Variants in CDK5RAP2 observed in about 807,000 individuals in gnomAD.
CDK5RAP2 encodes the protein CDK5 regulatory subunit associated protein 2.
In CDK5RAP2, 147 loss-of-function variants were observed where a neutral mutation model predicts 232.9. The ratio of observed to expected loss-of-function variants is 0.63; its 90% CI spans 0.55 to 0.72. The LOEUF (loss-of-function observed/expected upper bound fraction) is 0.72. Among genes scored for constraint, CDK5RAP2 ranks in the 30% least tolerant of loss-of-function variants. The pLI, the probability that CDK5RAP2 is intolerant of heterozygous loss-of-function variation, is 0.00. For missense variants in CDK5RAP2, 2,195 were observed against 2,231.5 expected (o/e 0.98, Z 0.33); for synonymous variants, 833 against 833.7 (o/e 1.00, Z 0.01).
At chr9:120,541,676 C>T (rs192128765) in intron 5 of CDK5RAP2, among the ~76,000 whole-genome samples, 196 of 152,302 alleles carry the variant, frequency 1.3e-3, no homozygotes, top group Non-Finnish European at 1.9e-3. Context: ...GGAGGCAGAG[C>T]GGCCGCTACA....
rs1323058589 is a variant in CDK5RAP2, at chr9:120,408,384, C to T, written c.4689G>A (p.Ala1563=). ...TGTGCTCTTCATCCAGCTTCTCATA[C>T]GCCTTCAGCTCCACTCGGAGAGACT... ...LLQSLRVELK[A]YEKLDEEHRR... The change falls in exon 31 of 38, where the codon GCG becomes GCA. Residue 1563 remains alanine (A), a synonymous_variant. Transcript: ENST00000349780. The T allele has an allele frequency of 1.6e-5, 26 of 1,614,012 alleles. No homozygotes were observed. Among genetic ancestry groups the T allele is most frequent in the Non-Finnish European group, 1.9e-5 (23 of 1,180,026 alleles).
chr9:120,569,993 A>T (rs13299371), intron 2 of CDK5RAP2, among the ~76,000 whole-genome samples: 26,369 of 152,082 alleles, frequency 0.17, 2,393 homozygotes, highest in Middle Eastern at 0.26. Flanking sequence ...TTGAGAGAGG[A>T]AAGTACACCT....
At chr9:120,575,317 T>A (rs1325821869) in intron 1 of CDK5RAP2, among the ~76,000 whole-genome samples, 2 of 152,118 alleles carry the variant, frequency 1.3e-5, no homozygotes, top group Non-Finnish European at 2.9e-5. Flanking sequence ...CCTCCCAAAG[T>A]GCTAGGATTA....
At chr9:120,515,486 G>A (rs945539460) in intron 12 of CDK5RAP2, among the ~76,000 whole-genome samples, 2 of 152,142 alleles carry the variant, frequency 1.3e-5, no homozygotes, top group African/African-American at 4.8e-5. Context: ...CAGGAGTTAC[G>A]TATTGTAATT....
At chr9:120,536,579 T>C (rs781291145) in intron 6 of CDK5RAP2, 53 bp from the exon 7 acceptor site, 80 of 1,533,798 alleles carry the variant, frequency 5.2e-5, no homozygotes, top group Admixed American at 2.6e-4. Context: ...ATTGGGAACA[T>C]TTTGAAAGGA....
chr9:120,500,829 C>A (rs2039540127), intron 12 of CDK5RAP2, among the ~76,000 whole-genome samples: 1 of 152,146 alleles, frequency 6.6e-6, no homozygotes. Context: ...CATGTTTTTG[C>A]CTTCCTGATT....
At chr9:120,562,656 C>T (rs903728554) in intron 3 of CDK5RAP2, among the ~76,000 whole-genome samples, 2 of 151,936 alleles carry the variant, frequency 1.3e-5, no homozygotes, top group African/African-American at 4.8e-5. Context: ...GCCCTCATTA[C>T]TGCTTGCTTT....
intron 20 of CDK5RAP2, among the ~76,000 whole-genome samples, chr9:120,456,922 T>C (rs1218092394): frequency 1.3e-5 from 2 of 152,244 alleles, no homozygotes; most frequent in African/African-American, 2.4e-5. Context: ...AGCAGATTCA[T>C]TAAGCTATCA....
At chr9:120,513,271 T>C (rs2040176653) in intron 12 of CDK5RAP2, among the ~76,000 whole-genome samples, 2 of 152,162 alleles carry the variant, frequency 1.3e-5, no homozygotes, top group Non-Finnish European at 2.9e-5. Context: ...CCCTCAGCAA[T>C]CCATCCTCTA....
rs1019039563 is a variant in CDK5RAP2 at position 120,568,498 on chromosome 9, A to C, written c.128-110T>G. On this transcript the variant is annotated intron_variant, in intron 2 of 37. Transcript: ENST00000349780. Reference sequence around the variant, plus strand: ...ACAACACGAACTGCTTCCACAGTACACGCGGCTGGTACTTGCTGTCTTTTG... The same window carrying C: ...ACAACACGAACTGCTTCCACAGTACCCGCGGCTGGTACTTGCTGTCTTTTG... 6.1e-6 allele frequency: 5 copies of C among 817,576 alleles called. No individual in the cohort carries two copies. The South Asian group carries it at 6.7e-5, about 11-fold the overall frequency. The allele number at this position is 817,576 out of a possible 1,614,324, so 50.6% of individuals were successfully genotyped here.
Position 120,520,755 on chromosome 9 carries a change from C to A in CDK5RAP2, c.1093-2110G>T, listed in dbSNP as rs1336336530. Among the ~76,000 whole-genome samples the A allele has an allele frequency of 3.5e-4, 42 of 120,444 alleles. 3 individuals carry two copies. In the East Asian group the frequency reaches 9.5e-3, roughly 27 times the overall value. The allele number at this position is 120,444 out of a possible 152,430, so 79.0% of individuals were successfully genotyped here. A position where few individuals can be genotyped will look rare whatever the true frequency, so the allele number is the denominator to read the frequency against. On this transcript the variant is annotated intron_variant, in intron 11 of 37. Transcript: ENST00000349780. ...ATATGTATCATGTGATATCTCATAT[C>A]TCATGAGATATATCTCAGATATCTC...
intron 10 of CDK5RAP2, among the ~76,000 whole-genome samples, chr9:120,526,731 A>C (rs2040915969): frequency 6.6e-6 from 1 of 151,834 alleles, no homozygotes; most frequent in Non-Finnish European, 1.5e-5. Context: ...CCCAACCCCC[A>C]CCGGCTGGCC....
At chr9:120,525,413 C>T (rs972436334) in intron 10 of CDK5RAP2, among the ~76,000 whole-genome samples, 1 of 152,170 alleles carries the variant, frequency 6.6e-6, no homozygotes, top group African/African-American at 2.4e-5. Flanking sequence ...ATATAGATGA[C>T]CTACCCAACA....
chr9:120,536,344 C>T (rs2041383660), intron 7 of CDK5RAP2, 28 bp downstream of exon 7: 1 of 1,612,536 alleles, frequency 6.2e-7, no homozygotes, highest in African/African-American at 1.3e-5. Flanking sequence ...AATGTGATGT[C>T]AGGGTATGAC....
rs1056314123 is a variant in CDK5RAP2, at chr9:120,561,975, A to G, written c.195+6346T>C. Among the ~76,000 whole-genome samples the G allele has an allele frequency of 3.3e-5, 5 of 152,330 alleles. No individual in the cohort carries two copies. The East Asian group carries it at 7.7e-4, about 23-fold the overall frequency. The stretch of plus-strand genomic sequence containing the variant: ...GCCTTCTTTTTGCTTCTCAATCACA[A>G]TAAGCTCATGGGCAAGTTGTTTAAT... On this transcript the variant is annotated intron_variant, in intron 3 of 37. Transcript: ENST00000349780.
chr9:120,433,666 A>G (rs1190527690), intron 25 of CDK5RAP2, among the ~76,000 whole-genome samples: 3 of 152,356 alleles, frequency 2.0e-5, no homozygotes, highest in Non-Finnish European at 2.9e-5. Flanking sequence ...GAACTAATAC[A>G]TTGTGCTTCC....
chr9:120,388,879 ATG>A lies in CDK5RAP2; in HGVS notation c.*355_*356del. On this transcript the variant is annotated 3_prime_UTR_variant, in exon 38 of 38. Transcript: ENST00000349780. ...AAAACAACAGAATCGTCAAGGTGAA[ATG>A]AAATGAATCATTTAATGAGAATCTT... The A allele has an allele frequency of 3.1e-6, 1 of 318,776 alleles. No homozygotes were observed. Among genetic ancestry groups the A allele is most frequent in the Non-Finnish European group, 5.8e-6 (1 of 172,166 alleles). 19.7% of individuals were successfully genotyped at this position (318,776 alleles called of 1,614,324 possible).
chr9:120,431,458 A>C (rs1362436439), intron 25 of CDK5RAP2, among the ~76,000 whole-genome samples: 1 of 152,202 alleles, frequency 6.6e-6, no homozygotes, highest in African/African-American at 2.4e-5. Flanking sequence ...AATGAGGATA[A>C]TAAATAATAC....
intron 36 of CDK5RAP2, among the ~76,000 whole-genome samples, chr9:120,391,104 C>A (rs183534938): frequency 3.6e-4 from 55 of 152,210 alleles, no homozygotes; most frequent in African/African-American, 1.3e-3. Flanking sequence ...ATCTGGACGT[C>A]CGCATTTTTC....
Sources: allele counts gnomAD v4.1 joint callset (sites outside exome capture counted in the v4.1 genomes callset), GRCh38; gene constraint gnomAD v4.1.1; transcripts MANE v1.5; gene names NCBI Gene and HGNC (gene_info 2026-07-23, HGNC 2026-07-21).